The following DNAI3 variants were observed in gnomAD, a reference collection of about 807,000 sequenced individuals.
DNAI3 encodes the protein WD repeat domain 63.
Under a neutral mutation model 115.5 loss-of-function variants are expected in DNAI3, and 83 were observed. The ratio of observed to expected loss-of-function variants is 0.72; its 90% confidence interval spans 0.60 to 0.86. DNAI3 has a LOEUF of 0.86. Among genes scored for constraint, DNAI3 ranks in the 40% least tolerant of loss-of-function variants. The probability of loss-of-function intolerance (pLI) is 0.00; values close to 1 mark genes in which losing one functional copy is unlikely to be tolerated. For synonymous variants in DNAI3, 320 were observed against 347.0 expected (o/e 0.92, Z 0.86); for missense variants, 1,004 against 1,075.8 (o/e 0.93, Z 0.93).
chr1:85,069,356 T>TCTCACCA (rs3056756), intron 1 of DNAI3, among the ~76,000 whole-genome samples: 124,429 of 151,778 alleles, frequency 0.82, 51,786 homozygotes, highest in South Asian at 0.9. Flanking sequence ...CCTTAGTAGT[T>TCTCACCA]CTTAAAATAC....
chr1:85,085,668 A>T (rs558880800), intron 6 of DNAI3, among the ~76,000 whole-genome samples, 163 bp from the exon 7 acceptor site: 1 of 152,264 alleles, frequency 6.6e-6, no homozygotes, highest in Non-Finnish European at 1.5e-5. Context: ...CAGCCCTCCA[A>T]AGAGGAGGAG....
At position 85,122,463 on chromosome 1, in the gene DNAI3, C is replaced by T. The variant is rs531964008; in HGVS notation, c.1981+649C>T. 4.6e-4 allele frequency among the ~76,000 whole-genome samples: 70 copies of T among 152,318 alleles called. 3 individuals are homozygous for T. In the South Asian group the frequency reaches 0.015, roughly 32 times the overall value. On this transcript the variant is annotated intron_variant, in intron 18 of 22. Coordinates refer to ENST00000294664, the MANE Select transcript of DNAI3 (RefSeq NM_145172.5). ...CTCCCTATCTCTAGCAGGCTCAGAG[C>T]CTTGGGGTTCACTACAATTATAACT... is the stretch of plus-strand genomic sequence containing the variant.
chr1:85,075,620 C>A (rs991387555), intron 3 of DNAI3, among the ~76,000 whole-genome samples: 1 of 152,092 alleles, frequency 6.6e-6, no homozygotes, highest in African/African-American at 2.4e-5. Flanking sequence ...AACTGAGATC[C>A]CTTTTTCTAA....
chr1:85,063,058 T>C (rs1206925838), intron 1 of DNAI3, among the ~76,000 whole-genome samples: 1 of 152,214 alleles, frequency 6.6e-6, no homozygotes, highest in East Asian at 1.9e-4. Context: ...TGCGCAATAC[T>C]TTCTCCTTCT....
At chr1:85,104,623 A>G in intron 14 of DNAI3, 26 bp downstream of exon 14, 2 of 1,605,756 alleles carry the variant, frequency 1.2e-6, no homozygotes, top group Non-Finnish European at 1.7e-6. Context: ...AACATTTCCT[A>G]ATGTGTTTTC....
intron 19 of DNAI3, among the ~76,000 whole-genome samples, chr1:85,125,807 G>A (rs1265986505): frequency 6.6e-6 from 1 of 152,212 alleles, no homozygotes; most frequent in Non-Finnish European, 1.5e-5. Flanking sequence ...GCAGATGTAA[G>A]TAGGCGAAGG....
intron 10 of DNAI3, 130 bp from the exon 11 acceptor site, chr1:85,095,801 A>T: frequency 1.2e-6 from 1 of 838,782 alleles, no homozygotes; most frequent in Non-Finnish European, 1.9e-6. Flanking sequence ...GAACTCTGAG[A>T]ATAGACTCTC....
In DNAI3 at chr1:85,081,320, C is replaced by A. The variant is rs763321300; in HGVS notation, c.190C>A (p.Gln64Lys). Residue 64 changes from glutamine (Q) to lysine (K), a missense_variant, in exon 4 of 23, where the codon CAA becomes AAA. By Grantham distance (53) the Gln-to-Lys change is moderately conservative (BLOSUM62 1). This residue lies in a region of DNAI3 where 550 missense variants were observed against 568.1 expected (regional missense o/e 0.97). Coordinates refer to ENST00000294664, the MANE Select transcript of DNAI3 (RefSeq NM_145172.5). ...AATAGATGAAGATGTCACAGATGAACAACCTTATAAGCTTATCAATAAAGA... is the reference window on the plus strand; with the variant it reads ...AATAGATGAAGATGTCACAGATGAAAAACCTTATAAGCTTATCAATAAAGA... ...CRIDEDVTDE[Q>K]PYKLINKEDI... 6.2e-7 allele frequency: 1 copy of A among 1,606,300 alleles called. No homozygotes were observed. Among genetic ancestry groups the A allele is most frequent in the Non-Finnish European group, 8.5e-7 (1 of 1,177,414 alleles).
intron 17 of DNAI3, among the ~76,000 whole-genome samples, chr1:85,119,750 T>G (rs1009894931): frequency 1.3e-5 from 2 of 151,772 alleles, no homozygotes; most frequent in Admixed American, 1.3e-4. Context: ...CAGGCTGGAG[T>G]GTAGTGGCAC....
Position 85,133,093 on chromosome 1 carries a change from C to G in DNAI3, c.*95C>G. On this transcript the variant is annotated 3_prime_UTR_variant, in exon 23 of 23. Coordinates refer to ENST00000294664, the MANE Select transcript of DNAI3 (RefSeq NM_145172.5). ...TGCTGAACATATATATATATAGGCT[C>G]ATTTATAGACTTTTATTTCCCTGCT... 1 of 1,283,088 alleles carries G rather than the reference C, an allele frequency of 7.8e-7. No individual in the cohort carries two copies. Among genetic ancestry groups the G allele is most frequent in the South Asian group, 2.1e-5 (1 of 48,290 alleles). The allele number at this position is 1,283,088 out of a possible 1,614,324, so 79.5% of individuals were successfully genotyped here. A position where few individuals can be genotyped will look rare whatever the true frequency, so the allele number is the denominator to read the frequency against.
At chr1:85,121,886 C>A in intron 18 of DNAI3, 72 bp downstream of exon 18, 1 of 1,514,218 alleles carries the variant, frequency 6.6e-7, no homozygotes, top group Non-Finnish European at 9.2e-7. Flanking sequence ...GAATCTCATG[C>A]AGTACAGAGT....
chr1:85,090,523 T>A (rs1654940986), intron 8 of DNAI3, among the ~76,000 whole-genome samples: 1 of 152,252 alleles, frequency 6.6e-6, no homozygotes, highest in South Asian at 2.1e-4. Context: ...TGGTTACTTT[T>A]ACGTAATTCT....
At chr1:85,080,046 C>CTTTTTTTTTTTTTTTTTTT (rs35938324) in intron 3 of DNAI3, among the ~76,000 whole-genome samples, 4 of 68,378 alleles carry the variant, frequency 5.8e-5, no homozygotes, top group Admixed American at 2.0e-4. Context: ...TTTTCTTTTT[C>CTTTTTTTTTTTTTTTTTTT]TTTTTTTTTT....
chr1:85,084,217 GTATATA>G (rs1228373577), intron 5 of DNAI3, among the ~76,000 whole-genome samples: 1 of 130,608 alleles, frequency 7.7e-6, no homozygotes, highest in East Asian at 2.2e-4. Flanking sequence ...GTAGAGATGT[GTATATA>G]TATGTGTATA....
At position 85,071,978 on chromosome 1, in the gene DNAI3, A is replaced by G; in HGVS notation, c.37A>G (p.Lys13Glu). 1 of 1,606,306 alleles carries G rather than the reference A, an allele frequency of 6.2e-7. No homozygotes were observed. The highest frequency in any genetic ancestry group is 8.5e-7 in the Non-Finnish European group (1 of 1,179,410). ...ACAAAAGAAAAAGACATCACGTGGC[A>G]AAAAAAGACTAAAACCAGTATTAGC... The part of the protein sequence containing the change: ...PKQKKKTSRG[K>E]KRLKPVLAAS... The change falls in exon 2 of 23, where the codon AAA becomes GAA. Residue 13 changes from lysine (K) to glutamate (E), a missense_variant. Coordinates refer to ENST00000294664, the MANE Select transcript of DNAI3 (RefSeq NM_145172.5).
At chr1:85,132,135 G>A (rs1342197343) in intron 22 of DNAI3, among the ~76,000 whole-genome samples, 2 of 152,166 alleles carry the variant, frequency 1.3e-5, no homozygotes, top group Non-Finnish European at 2.9e-5. Flanking sequence ...TCTAAGCAAC[G>A]GCTGATAAAG....
chr1:85,126,489 C>CT (rs770944580), intron 19 of DNAI3, 22 bp from the exon 20 acceptor site: 2 of 1,593,988 alleles, frequency 1.3e-6, no homozygotes, highest in Non-Finnish European at 1.7e-6. Flanking sequence ...CTTTATTTGT[C>CT]TTTTTAAAAA....
chr1:85,107,960 C>A, intron 14 of DNAI3, 73 bp from the exon 15 acceptor site: 1 of 1,076,122 alleles, frequency 9.3e-7, no homozygotes, highest in Non-Finnish European at 1.3e-6. Context: ...TAATATGTAG[C>A]AGCATTAATG....
Position 85,132,992 on chromosome 1 carries a change from G to T in DNAI3, c.2670G>T (p.Val890=), listed in dbSNP as rs751466048. 1.6e-5 allele frequency: 25 copies of T among 1,606,896 alleles called. No homozygotes were observed. Among genetic ancestry groups the T allele is most frequent in the Non-Finnish European group, 2.0e-5 (23 of 1,178,022 alleles). The change falls in exon 23 of 23, where the codon GTG becomes GTT. Residue 890 remains valine (V), a synonymous_variant. Transcript: ENST00000294664. The stretch of plus-strand genomic sequence containing the variant: ...CAGAGAAGGGGTCATACATGGAGGT[G>T]ATGTAAAAAAGCTTCCTGAAGGGGT... ...KVTEKGSYME[V]M
Sources: gnomAD v4.1 joint callset for allele counts (sites outside exome capture counted in the v4.1 genomes callset) on GRCh38, gnomAD v4.1.1 for gene constraint, gnomAD v4.1.1 regional missense constraint, MANE v1.5 for transcripts, NCBI Gene and HGNC (gene_info 2026-07-23, HGNC 2026-07-21) for gene names.